The following REDIC1 variants were observed in gnomAD, a reference collection of about 807,000 sequenced individuals.
REDIC1 encodes the protein regulator of DNA class I crossover intermediates 1, also known as HEI10 Interacting Protein 1.
chr12:39,898,542 A>G, the REDIC1 span, among the ~76,000 whole-genome samples: 1 of 152,158 alleles, frequency 6.6e-6, no homozygotes, highest in East Asian at 1.9e-4. Flanking sequence ...TCCTTCAGCT[A>G]AACACCAGGC....
the REDIC1 span, among the ~76,000 whole-genome samples, chr12:39,751,508 T>G: frequency 7.9e-5 from 12 of 152,294 alleles, no homozygotes; most frequent in East Asian, 2.1e-3. Flanking sequence ...TCCTCAAGGA[T>G]CTAGAACTAG....
At chr12:39,713,770 T>C in the REDIC1 span, among the ~76,000 whole-genome samples, 1 of 149,152 alleles carries the variant, frequency 6.7e-6, no homozygotes, top group East Asian at 2.0e-4. Flanking sequence ...CGTATATATA[T>C]ATTTGTACGT....
At chr12:39,673,109 T>C in the REDIC1 span, among the ~76,000 whole-genome samples, 4 of 152,118 alleles carry the variant, frequency 2.6e-5, no homozygotes, top group South Asian at 8.3e-4. Flanking sequence ...GGCTCTGCTA[T>C]TGTAGGGAGG....
chr12:39,894,211 T>G, the REDIC1 span, among the ~76,000 whole-genome samples: 3 of 152,140 alleles, frequency 2.0e-5, no homozygotes, highest in South Asian at 6.2e-4. Flanking sequence ...TCAAGTGTCT[T>G]CAAGTTGTCC....
At chr12:39,771,682 A>G in the REDIC1 span, among the ~76,000 whole-genome samples, 1 of 152,068 alleles carries the variant, frequency 6.6e-6, no homozygotes, top group African/African-American at 2.4e-5. Context: ...AAATGAATAC[A>G]GTTTCCTGAT....
At chr12:39,806,460 C>G in the REDIC1 span, among the ~76,000 whole-genome samples, 3,687 of 152,208 alleles carry the variant, frequency 0.024, 153 homozygotes, top group African/African-American at 0.084. Context: ...TATATATTTT[C>G]CCTGGGATCC....
At chr12:39,887,573 T>G in the REDIC1 span, among the ~76,000 whole-genome samples, 1 of 152,092 alleles carries the variant, frequency 6.6e-6, no homozygotes, top group Non-Finnish European at 1.5e-5. Flanking sequence ...GGCAAGAAAT[T>G]ATTAGATTTT....
chr12:39,714,294 TGCATATATGTATATACGTATATACAG>T, the REDIC1 span, among the ~76,000 whole-genome samples: 4 of 148,578 alleles, frequency 2.7e-5, 2 homozygotes, highest in Non-Finnish European at 6.0e-5. Flanking sequence ...CGTATATGCA[TGCATATATGTATATACGTATATACAG>T]GCATATATGT....
chr12:39,794,903 T>C, the REDIC1 span, among the ~76,000 whole-genome samples: 1 of 152,228 alleles, frequency 6.6e-6, no homozygotes, highest in Non-Finnish European at 1.5e-5. Context: ...GTCAGTCTAA[T>C]TGCTCTTGCC....
the REDIC1 span, among the ~76,000 whole-genome samples, chr12:39,676,209 G>A: frequency 6.6e-6 from 1 of 150,400 alleles, no homozygotes; most frequent in Non-Finnish European, 1.5e-5. Context: ...AAAAAAACCA[G>A]ATATGGATGA....
At chr12:39,699,286 G>A in the REDIC1 span, among the ~76,000 whole-genome samples, 2 of 152,246 alleles carry the variant, frequency 1.3e-5, no homozygotes, top group East Asian at 1.9e-4. Context: ...TGCCTCACTC[G>A]GGAAGCGAAA....
chr12:39,814,201 C>G, the REDIC1 span, among the ~76,000 whole-genome samples: 2 of 152,112 alleles, frequency 1.3e-5, no homozygotes, highest in Non-Finnish European at 2.9e-5. Context: ...GTAGATTGTA[C>G]TGCTGGAGTT....
the REDIC1 span, among the ~76,000 whole-genome samples, chr12:39,703,527 T>A: frequency 6.6e-6 from 1 of 151,568 alleles, no homozygotes; most frequent in African/African-American, 2.4e-5. Context: ...ATTTACAGAT[T>A]CAATGCCATC....
chr12:39,860,021 C>T, the REDIC1 span, among the ~76,000 whole-genome samples: 2 of 152,036 alleles, frequency 1.3e-5, no homozygotes, highest in African/African-American at 4.8e-5. Context: ...TGGTCCAAAG[C>T]AAGAAGAGCA....
chr12:39,830,323 T>C, the REDIC1 span: 9 of 1,514,156 alleles, frequency 5.9e-6, no homozygotes, highest in Non-Finnish European at 7.9e-6. Flanking sequence ...TTCCACTCTC[T>C]TGTGCAGTAA....
the REDIC1 span, among the ~76,000 whole-genome samples, chr12:39,712,449 C>T: frequency 2.8e-4 from 12 of 43,542 alleles, no homozygotes; most frequent in Admixed American, 7.7e-4. Flanking sequence ...TATATGTATA[C>T]ATACGTATAT....
chr12:39,767,989 T>A, the REDIC1 span, among the ~76,000 whole-genome samples: 3 of 152,122 alleles, frequency 2.0e-5, no homozygotes, highest in African/African-American at 7.2e-5. Context: ...TCTCAGGCAG[T>A]TATTTATAGC....
chr12:39,647,750 T>C, the REDIC1 span: 5 of 1,297,022 alleles, frequency 3.9e-6, no homozygotes, highest in Non-Finnish European at 5.2e-6. Flanking sequence ...CTCTAGTTTA[T>C]ATATTTTGGT....
At chr12:39,810,068 T>C in the REDIC1 span, among the ~76,000 whole-genome samples, 111 of 152,346 alleles carry the variant, frequency 7.3e-4, no homozygotes, top group African/African-American at 2.5e-3. Flanking sequence ...TCTAGATCCC[T>C]GAGGAATCGC....
Sources: gnomAD v4.1 joint callset for allele counts (sites outside exome capture counted in the v4.1 genomes callset) on GRCh38, gnomAD v4.1.1 for gene constraint, MANE v1.5 for transcripts, NCBI Gene and HGNC (gene_info 2026-07-23, HGNC 2026-07-21) for gene names.